The following CAMK2D variants were observed in gnomAD, a reference collection of about 807,000 sequenced individuals.
The protein encoded by CAMK2D is calcium/calmodulin dependent protein kinase II delta, also known as calcium/calmodulin-dependent protein kinase type II subunit delta.
In CAMK2D, 37 loss-of-function variants were observed where a neutral mutation model predicts 84.0. The ratio of observed to expected loss-of-function variants is 0.44; its 90% CI spans 0.34 to 0.58. The LOEUF (loss-of-function observed/expected upper bound fraction) is 0.58, where lower values mean the gene tolerates loss of function less well. Ranked by LOEUF, CAMK2D falls within the 20% of genes least tolerant of loss-of-function variation. The pLI is 0.02. For synonymous variants in CAMK2D, 202 were observed against 212.5 expected (o/e 0.95, Z 0.43); for missense variants, 448 against 652.5 (o/e 0.69, Z 3.41).
At chr4:113,692,494 AT>A (rs2099389806) in intron 2 of CAMK2D, among the ~76,000 whole-genome samples, 1 of 152,120 alleles carries the variant, frequency 6.6e-6, no homozygotes, top group South Asian at 2.1e-4. Flanking sequence ...ATATTCATAT[AT>A]TCATACATAC....
chr4:113,493,615 T>C (rs2097878770), intron 16 of CAMK2D, among the ~76,000 whole-genome samples: 2 of 151,904 alleles, frequency 1.3e-5, no homozygotes, highest in Middle Eastern at 3.4e-3. Flanking sequence ...CTGACAATTA[T>C]GTGTCTTGGA....
At chr4:113,560,350 G>A (rs2098692506) in intron 4 of CAMK2D, among the ~76,000 whole-genome samples, 1 of 151,884 alleles carries the variant, frequency 6.6e-6, no homozygotes, top group Admixed American at 6.6e-5. Context: ...TAATATGTGT[G>A]AGCTTTGCCC....
intron 3 of CAMK2D, among the ~76,000 whole-genome samples, chr4:113,653,532 G>C (rs530415548): frequency 6.6e-6 from 1 of 152,088 alleles, no homozygotes; most frequent in South Asian, 2.1e-4. Context: ...ATAAGGGAGA[G>C]GTCACAGAAA....
intron 2 of CAMK2D, among the ~76,000 whole-genome samples, chr4:113,733,477 G>GT (rs1185056595): frequency 6.6e-6 from 1 of 152,158 alleles, no homozygotes; most frequent in Admixed American, 6.5e-5. Flanking sequence ...GAACATCTGG[G>GT]TTTTTTCTCT....
intron 3 of CAMK2D, among the ~76,000 whole-genome samples, chr4:113,627,073 A>G (rs1230332738): frequency 1.3e-5 from 2 of 152,186 alleles, no homozygotes; most frequent in African/African-American, 4.8e-5. Flanking sequence ...GCAAATTATT[A>G]CATGTAAAAT....
chr4:113,693,908 C>A (rs908023629), intron 2 of CAMK2D, among the ~76,000 whole-genome samples: 1 of 152,056 alleles, frequency 6.6e-6, no homozygotes, highest in Non-Finnish European at 1.5e-5. Flanking sequence ...CTGCCACAAA[C>A]CATTCTATAA....
chr4:113,511,846 C>G (rs564051596), intron 12 of CAMK2D, among the ~76,000 whole-genome samples: 1 of 152,178 alleles, frequency 6.6e-6, no homozygotes, highest in East Asian at 1.9e-4. Flanking sequence ...TTTTAACAGC[C>G]TTTGAAAGGC....
At chr4:113,730,985 T>C (rs527829594) in intron 2 of CAMK2D, among the ~76,000 whole-genome samples, 1 of 152,378 alleles carries the variant, frequency 6.6e-6, no homozygotes, top group East Asian at 1.9e-4. Context: ...TAGCAGTTAC[T>C]GTGGCATCAC....
At chr4:113,585,152 A>G (rs4833434) in intron 4 of CAMK2D, among the ~76,000 whole-genome samples, 106,750 of 152,078 alleles carry the variant, frequency 0.7, 37,670 homozygotes, top group Middle Eastern at 0.75. Flanking sequence ...AGAGGAGAGG[A>G]GACAAAACAG....
At chr4:113,597,235 T>C (rs2098931360) in intron 4 of CAMK2D, among the ~76,000 whole-genome samples, 1 of 152,250 alleles carries the variant, frequency 6.6e-6, no homozygotes, top group African/African-American at 2.4e-5. Flanking sequence ...TAAAACTTCT[T>C]GTCTCAAGCT....
intron 4 of CAMK2D, 119 bp from the exon 5 acceptor site, chr4:113,552,215 T>G: frequency 1.8e-6 from 1 of 564,102 alleles, no homozygotes; most frequent in Non-Finnish European, 3.2e-6. Flanking sequence ...AAATCAAAAC[T>G]TTTTAAAACA....
intron 3 of CAMK2D, among the ~76,000 whole-genome samples, chr4:113,654,482 G>A (rs1218685098): frequency 1.3e-5 from 2 of 151,930 alleles, no homozygotes; most frequent in African/African-American, 2.4e-5. Flanking sequence ...AACTTATGCT[G>A]TCTAAAATGT....
At chr4:113,576,738 G>GA (rs2098784733) in intron 4 of CAMK2D, among the ~76,000 whole-genome samples, 1 of 151,272 alleles carries the variant, frequency 6.6e-6, no homozygotes, top group African/African-American at 2.4e-5. Context: ...AGAGAATTTT[G>GA]AAAAAAAATT....
At chr4:113,512,982 G>A (rs1194086802) in intron 12 of CAMK2D, among the ~76,000 whole-genome samples, 1 of 152,130 alleles carries the variant, frequency 6.6e-6, no homozygotes, top group Non-Finnish European at 1.5e-5. Context: ...TAAATTCTAG[G>A]TTTGAAACGC....
intron 6 of CAMK2D, 138 bp downstream of exon 6, chr4:113,547,506 G>C (rs1016658495): frequency 2.0e-6 from 1 of 497,382 alleles, no homozygotes; most frequent in Non-Finnish European, 3.6e-6. Context: ...ACTGTGGTGA[G>C]GGAAAGTTCC....
chr4:113,500,458 C>T lies in CAMK2D; in HGVS notation c.1135+5G>A, dbSNP rs757732154. On this transcript the variant is annotated splice_donor_5th_base_variant and intron_variant, in intron 16 of 20. Coordinates refer to ENST00000511664, the MANE Select transcript of CAMK2D (RefSeq NM_001321571.2). Reference sequence around the variant, plus strand: ...TAGGATTTTCCATTTCTGGTTAAATCATACCTTTCACATCTTCATCCTCAA... The same window carrying T: ...TAGGATTTTCCATTTCTGGTTAAATTATACCTTTCACATCTTCATCCTCAA... 5.7e-6 allele frequency: 9 copies of T among 1,571,890 alleles called. No homozygotes were observed. The highest frequency in any genetic ancestry group is 7.8e-6 in the Non-Finnish European group (9 of 1,146,528).
intron 2 of CAMK2D, among the ~76,000 whole-genome samples, chr4:113,741,502 C>T (rs1425388102): frequency 6.6e-6 from 1 of 151,994 alleles, no homozygotes; most frequent in African/African-American, 2.4e-5. Context: ...AGGAAAAATA[C>T]AGTATATATA....
At chr4:113,455,140 CAATT>C (rs1331665251) in intron 20 of CAMK2D, among the ~76,000 whole-genome samples, 1 of 152,148 alleles carries the variant, frequency 6.6e-6, no homozygotes, top group African/African-American at 2.4e-5. Flanking sequence ...GTCTAAGAAA[CAATT>C]AATTAAAAAC....
At chr4:113,578,555 T>C (rs2098794280) in intron 4 of CAMK2D, among the ~76,000 whole-genome samples, 1 of 152,212 alleles carries the variant, frequency 6.6e-6, no homozygotes, top group Admixed American at 6.5e-5. Context: ...ATGTTTCAGC[T>C]AGTTTTGCTC....
Sources: allele counts gnomAD v4.1 joint callset (sites outside exome capture counted in the v4.1 genomes callset), GRCh38; gene constraint gnomAD v4.1.1; transcripts MANE v1.5; gene names NCBI Gene and HGNC (gene_info 2026-07-23, HGNC 2026-07-21).